ADK: variants seen among roughly 807,000 people sequenced by gnomAD.
The protein encoded by ADK is N6,N6-dimethyladenosine kinase.
In ADK, 24 loss-of-function variants were observed where a neutral mutation model predicts 44.7. The observed-to-expected ratio is 0.54, with a 90% CI of 0.39 to 0.76. The LOEUF (loss-of-function observed/expected upper bound fraction) is 0.76, where lower values mean the gene tolerates loss of function less well. ADK is among the 30% of genes least tolerant of loss of function. The pLI is 0.00. For synonymous variants in ADK, 128 were observed against 142.6 expected (o/e 0.90, Z 0.73); for missense variants, 321 against 425.1 (o/e 0.76, Z 2.15).
At chr10:74,293,165 CAAAAAAAAAAAAAA>C (rs59635944) in intron 3 of ADK, among the ~76,000 whole-genome samples, 92 of 79,116 alleles carry the variant, frequency 1.2e-3, no homozygotes, top group African/African-American at 4.3e-3. Flanking sequence ...AACCCTGTCT[CAAAAAAAAAAAAAA>C]AAAAAAAAAA....
At chr10:74,169,206 G>A (rs1303518902) in intron 1 of ADK, among the ~76,000 whole-genome samples, 1 of 151,934 alleles carries the variant, frequency 6.6e-6, no homozygotes, top group African/African-American at 2.4e-5. Context: ...GTGACAGTGG[G>A]ACCCTGTCTT....
chr10:74,612,906 T>C (rs886642426), intron 9 of ADK, among the ~76,000 whole-genome samples: 2 of 152,170 alleles, frequency 1.3e-5, no homozygotes, highest in Non-Finnish European at 2.9e-5. Context: ...CTATTTATTT[T>C]TGTTGACTTT....
chr10:74,356,535 T>C (rs910864713), intron 4 of ADK, among the ~76,000 whole-genome samples: 12 of 152,354 alleles, frequency 7.9e-5, no homozygotes, highest in African/African-American at 2.9e-4. Flanking sequence ...AATACCCATT[T>C]TATAAATTGG....
chr10:74,701,850 A>G (rs757754317), intron 10 of ADK, among the ~76,000 whole-genome samples: 2 of 152,202 alleles, frequency 1.3e-5, no homozygotes, highest in African/African-American at 4.8e-5. Flanking sequence ...AGACTGAGGC[A>G]GGAGAGTCAC....
chr10:74,700,263 A>G (rs1019152753), intron 10 of ADK, among the ~76,000 whole-genome samples: 3 of 152,042 alleles, frequency 2.0e-5, no homozygotes, highest in Admixed American at 6.6e-5. Flanking sequence ...GTCTCTGACT[A>G]CAGGAGTCTC....
chr10:74,543,033 T>G (rs1348738015), intron 7 of ADK, among the ~76,000 whole-genome samples: 1 of 151,932 alleles, frequency 6.6e-6, no homozygotes, highest in East Asian at 1.9e-4. Flanking sequence ...CCCAAGTAGC[T>G]GGGACTACAG....
chr10:74,655,307 GA>G, intron 9 of ADK: 11 of 449,612 alleles, frequency 2.4e-5, no homozygotes, highest in East Asian at 5.5e-5. Flanking sequence ...AAATGATGAA[GA>G]AAAAAGGAAC....
At chr10:74,222,663 A>G (rs948173962) in intron 2 of ADK, among the ~76,000 whole-genome samples, 19 of 152,210 alleles carry the variant, frequency 1.2e-4, no homozygotes, top group Non-Finnish European at 1.5e-5. Flanking sequence ...CATATACACT[A>G]TGGAATACTA....
chr10:74,448,184 T>TA (rs35010757), intron 6 of ADK, among the ~76,000 whole-genome samples: 1 of 151,580 alleles, frequency 6.6e-6, no homozygotes, highest in South Asian at 2.1e-4. Context: ...AAAAAATAAA[T>TA]AAGAGTTAGG....
rs192380079 is a variant in ADK at position 74,693,230 on chromosome 10, A to G, written c.965-15091A>G. Reference sequence around the variant, plus strand: ...CTAACTAATGTAACAGGTTAATCATAGGTGGAACTGGGGAGTAAGGGGATG... The same window carrying G: ...CTAACTAATGTAACAGGTTAATCATGGGTGGAACTGGGGAGTAAGGGGATG... On this transcript the variant is annotated intron_variant, in intron 10 of 10. Transcript: ENST00000539909. Among the ~76,000 whole-genome samples the G allele has an allele frequency of 1.1e-4, 17 of 152,316 alleles. No individual in the cohort carries two copies. In the East Asian group the frequency reaches 3.3e-3, roughly 29 times the overall value.
chr10:74,599,529 T>A (rs895110352), intron 8 of ADK, among the ~76,000 whole-genome samples: 3 of 152,224 alleles, frequency 2.0e-5, no homozygotes, highest in African/African-American at 7.2e-5. Flanking sequence ...AGTGATAGAA[T>A]AAACTAGTTT....
chr10:74,691,469 A>T (rs1855986015), intron 10 of ADK, among the ~76,000 whole-genome samples: 1 of 152,228 alleles, frequency 6.6e-6, no homozygotes, highest in African/African-American at 2.4e-5. Context: ...TTACTCATGG[A>T]TAAAGAACAT....
chr10:74,347,647 C>T (rs531963633), intron 4 of ADK, among the ~76,000 whole-genome samples: 1 of 152,202 alleles, frequency 6.6e-6, no homozygotes, highest in East Asian at 1.9e-4. Context: ...CCCACGGAGC[C>T]CAGTAAGCTA....
chr10:74,404,246 A>G lies in ADK; in HGVS notation c.555+5667A>G, dbSNP rs149932185. The stretch of plus-strand genomic sequence containing the variant: ...CTTACAATACATACATTTTACTTCT[A>G]CATATATATTATAAACATCGTAACC... On this transcript the variant is annotated intron_variant, in intron 6 of 10. Transcript: ENST00000539909. 1.5e-4 allele frequency among the ~76,000 whole-genome samples: 23 copies of G among 151,832 alleles called. No homozygotes were observed. In the East Asian group the frequency reaches 3.1e-3, roughly 20 times the overall value.
intron 1 of ADK, among the ~76,000 whole-genome samples, chr10:74,166,201 A>C (rs964676995): frequency 6.6e-6 from 1 of 152,168 alleles, no homozygotes; most frequent in Non-Finnish European, 1.5e-5. Flanking sequence ...CGGCCTCCCA[A>C]ATTGCTGGGA....
At chr10:74,164,751 C>T (rs139983857) in intron 1 of ADK, among the ~76,000 whole-genome samples, 1 of 152,112 alleles carries the variant, frequency 6.6e-6, no homozygotes, top group African/African-American at 2.4e-5. Flanking sequence ...CACTATTTCC[C>T]CCATATTTGT....
At chr10:74,164,274 GC>G in intron 1 of ADK, among the ~76,000 whole-genome samples, 1 of 152,342 alleles carries the variant, frequency 6.6e-6, no homozygotes, top group East Asian at 1.9e-4. Context: ...GTTGGCTCAT[GC>G]CTGTAATCCC....
At chr10:74,594,243 G>A (rs1293142031) in intron 8 of ADK, among the ~76,000 whole-genome samples, 2 of 151,976 alleles carry the variant, frequency 1.3e-5, no homozygotes, top group Non-Finnish European at 2.9e-5. Flanking sequence ...TAGATGACAG[G>A]TTGATGGCTG....
intron 6 of ADK, among the ~76,000 whole-genome samples, chr10:74,467,329 G>A (rs959531597): frequency 6.6e-6 from 1 of 152,086 alleles, no homozygotes; most frequent in African/African-American, 2.4e-5. Flanking sequence ...CAGACTTGAT[G>A]CAATGAAGAA....
Sources: gnomAD v4.1 joint callset for allele counts (sites outside exome capture counted in the v4.1 genomes callset) on GRCh38, gnomAD v4.1.1 for gene constraint, MANE v1.5 for transcripts, NCBI Gene and HGNC (gene_info 2026-07-23, HGNC 2026-07-21) for gene names.